Variants in TAOK1 observed in about 807,000 individuals in gnomAD.
The protein encoded by TAOK1 is TAO kinase 1.
TAOK1 carries 21 observed loss-of-function variants against 138.3 expected under a neutral mutation model. The observed-to-expected ratio is 0.15, with a 90% CI of 0.11 to 0.22. The LOEUF is 0.22. Among genes scored for constraint, TAOK1 ranks in the 10% least tolerant of loss-of-function variants. The pLI is 1.00. For synonymous variants in TAOK1, 361 were observed against 398.4 expected (o/e 0.91, Z 1.12); for missense variants, 651 against 1,227.7 (o/e 0.53, Z 7.02).
At chr17:29,513,964 T>A (rs2031770009) in intron 15 of TAOK1, 2 of 150,946 alleles carry the variant, frequency 1.3e-5, no homozygotes, top group African/African-American at 2.4e-5. Context: ...TTAAAAAAAA[T>A]AAAAAATAAA....
At chr17:29,532,147 A>C (rs1293343588) in intron 18 of TAOK1, among the ~76,000 whole-genome samples, 1 of 152,090 alleles carries the variant, frequency 6.6e-6, no homozygotes, top group Non-Finnish European at 1.5e-5. Flanking sequence ...GGCGTGAGCC[A>C]CCGCGCCCGG....
At chr17:29,526,316 T>A (rs1365274360) in intron 17 of TAOK1, among the ~76,000 whole-genome samples, 2 of 152,252 alleles carry the variant, frequency 1.3e-5, no homozygotes, top group African/African-American at 4.8e-5. Flanking sequence ...TAAAGCCTTT[T>A]AAAAGAATGG....
intron 4 of TAOK1, among the ~76,000 whole-genome samples, chr17:29,476,458 C>G (rs1484999277): frequency 6.6e-6 from 1 of 152,150 alleles, no homozygotes; most frequent in East Asian, 1.9e-4. Context: ...CTCTGCCTCT[C>G]AGGGTTCTCC....
intron 1 of TAOK1, among the ~76,000 whole-genome samples, chr17:29,437,775 C>T (rs1193771316): frequency 6.8e-6 from 1 of 148,096 alleles, no homozygotes; most frequent in Non-Finnish European, 1.5e-5. Flanking sequence ...ACTCTGTCAC[C>T]CGGGCTGTAG....
intron 19 of TAOK1, among the ~76,000 whole-genome samples, chr17:29,535,248 C>T (rs2032203589): frequency 6.6e-6 from 1 of 151,960 alleles, no homozygotes; most frequent in Non-Finnish European, 1.5e-5. Context: ...AAGGTTGAGG[C>T]TTCAGTAAGC....
chr17:29,539,046 T>C (rs1001414123), intron 19 of TAOK1, among the ~76,000 whole-genome samples: 12 of 152,068 alleles, frequency 7.9e-5, no homozygotes, highest in African/African-American at 2.9e-4. Flanking sequence ...CACTTGGTGC[T>C]CAGGAGTTTG....
At chr17:29,423,286 C>G (rs1905516079) in intron 1 of TAOK1, among the ~76,000 whole-genome samples, 1 of 146,792 alleles carries the variant, frequency 6.8e-6, no homozygotes, top group South Asian at 2.1e-4. Context: ...GTGGCGCGAT[C>G]TTGGCTCACT....
intron 1 of TAOK1, among the ~76,000 whole-genome samples, chr17:29,399,212 T>G (rs1354589407): frequency 6.6e-6 from 1 of 152,020 alleles, no homozygotes; most frequent in African/African-American, 2.4e-5. Flanking sequence ...ATCGAACTCC[T>G]GAGCTCAAGT....
At chr17:29,489,583 A>T in intron 8 of TAOK1, 81 bp from the exon 9 acceptor site, 2 of 826,884 alleles carry the variant, frequency 2.4e-6, no homozygotes, top group Non-Finnish European at 3.6e-6. Context: ...AAATCATTTA[A>T]AAAAAAAAAA....
At chr17:29,492,305 C>T (rs988612810) in intron 10 of TAOK1, among the ~76,000 whole-genome samples, 4 of 151,916 alleles carry the variant, frequency 2.6e-5, no homozygotes, top group Admixed American at 6.6e-5. Flanking sequence ...TTTTTTATGC[C>T]GTTGTTTCTG....
In TAOK1 at chr17:29,441,752, A is replaced by G. The variant is rs527584354; in HGVS notation, c.-94-9703A>G. ...CGTCTCTACTAAAAATACAAATACT[A>G]GCTGGGCGTGGTGTGCGCGCCTGTA... On this transcript the variant is annotated intron_variant, in intron 1 of 19. Coordinates refer to ENST00000261716, the MANE Select transcript of TAOK1 (RefSeq NM_020791.4). Among the ~76,000 whole-genome samples the G allele has an allele frequency of 8.7e-4, 133 of 152,058 alleles. 2 individuals carry two copies. Among genetic ancestry groups the G allele is most frequent in the African/African-American group, 2.2e-3 (92 of 41,488 alleles).
chr17:29,425,139 G>A (rs1160008303), intron 1 of TAOK1, among the ~76,000 whole-genome samples: 5 of 152,188 alleles, frequency 3.3e-5, no homozygotes, highest in Middle Eastern at 3.4e-3. Context: ...GCACGATCCC[G>A]GCTCACTGTA....
intron 8 of TAOK1, among the ~76,000 whole-genome samples, chr17:29,488,000 A>T (rs555328491): frequency 1.3e-5 from 2 of 152,248 alleles, no homozygotes; most frequent in South Asian, 4.1e-4. Context: ...CCTCTGTGAT[A>T]CTCCTGCCAA....
chr17:29,523,293 C>A (rs77565762), intron 17 of TAOK1, among the ~76,000 whole-genome samples: 3 of 150,364 alleles, frequency 2.0e-5, no homozygotes, highest in Non-Finnish European at 3.0e-5. Flanking sequence ...AAAAAAAAAA[C>A]AAGAAAAAGT....
At chr17:29,437,995 G>A (rs1279221413) in intron 1 of TAOK1, among the ~76,000 whole-genome samples, 1 of 152,192 alleles carries the variant, frequency 6.6e-6, no homozygotes, top group East Asian at 1.9e-4. Flanking sequence ...GCCTCCCAAA[G>A]TGCTGGGATT....
intron 1 of TAOK1, among the ~76,000 whole-genome samples, chr17:29,416,285 A>G (rs1397130638): frequency 6.6e-6 from 1 of 152,050 alleles, no homozygotes; most frequent in Non-Finnish European, 1.5e-5. Context: ...AAGATTATGT[A>G]TAGGGATTTT....
intron 18 of TAOK1, among the ~76,000 whole-genome samples, 182 bp from the exon 19 acceptor site, chr17:29,533,936 G>A (rs191776715): frequency 9.2e-5 from 14 of 152,072 alleles, no homozygotes; most frequent in East Asian, 1.9e-4. Context: ...TCTTCATACC[G>A]ATATTGGTTA....
intron 1 of TAOK1, among the ~76,000 whole-genome samples, chr17:29,444,096 C>CA (rs549073074): frequency 9.7e-4 from 142 of 146,480 alleles, no homozygotes; most frequent in Admixed American, 1.8e-3. Context: ...GCCTGGCTGA[C>CA]AGAGTGAGAC....
intron 1 of TAOK1, among the ~76,000 whole-genome samples, chr17:29,436,246 A>T (rs949187274): frequency 6.6e-6 from 1 of 152,228 alleles, no homozygotes; most frequent in African/African-American, 2.4e-5. Context: ...AACATGCTCC[A>T]AAGTTTTTTT....
Sources: allele counts gnomAD v4.1 joint callset (sites outside exome capture counted in the v4.1 genomes callset), GRCh38; gene constraint gnomAD v4.1.1; transcripts MANE v1.5; gene names NCBI Gene and HGNC (gene_info 2026-07-23, HGNC 2026-07-21).